The following ARHGAP8 variants were observed in gnomAD, a reference collection of about 807,000 sequenced individuals.
ARHGAP8 encodes rho GTPase-activating protein 8.
Under a neutral mutation model 46.1 loss-of-function variants are expected in ARHGAP8, and 62 were observed. That is an observed-to-expected ratio of 1.34 (90% CI 1.10 to 1.66). The LOEUF is 1.66. Ranked by LOEUF, ARHGAP8 falls within the 40% of genes most tolerant of loss-of-function variation. The pLI, the probability that ARHGAP8 is intolerant of heterozygous loss-of-function variation, is 0.00. For synonymous variants in ARHGAP8, 375 were observed against 243.1 expected, an observed-to-expected ratio of 1.54 and a Z score of -5.05; for missense variants, 923 against 568.4, an observed-to-expected ratio of 1.62 and a Z score of -6.34.
rs574596304 is a variant in ARHGAP8 at position 44,862,321 on chromosome 22, C to A, written c.1028C>A (p.Ala343Asp). The A allele has an allele frequency of 6.2e-7, 1 of 1,613,634 alleles. No individual in the cohort carries two copies. The highest frequency in any genetic ancestry group is 8.5e-7 in the Non-Finnish European group (1 of 1,179,710). Residue 343 changes from alanine (A) to aspartate (D), a missense_variant, in exon 12 of 12, where the codon GCC (alanine) becomes GAC (aspartate). Transcript: ENST00000356099. ...AACAAAATGAACAGCTCTAACCTGG[C>A]CTGTGTCTTCGGGCTGAATTTGATC... ...IFNKMNSSNLACVFGLNLIWP... is the reference protein window; with the variant it reads ...IFNKMNSSNLDCVFGLNLIWP...
chr22:44,819,468 T>G (rs112323977), intron 5 of ARHGAP8, among the ~76,000 whole-genome samples: 1 of 152,142 alleles, frequency 6.6e-6, no homozygotes, highest in South Asian at 2.1e-4. Flanking sequence ...GGTCAGGAGT[T>G]CGAGACCAGC....
chr22:44,774,518 A>ATTT (rs132473), intron 1 of ARHGAP8, among the ~76,000 whole-genome samples: 45 of 119,468 alleles, frequency 3.8e-4, no homozygotes, highest in Non-Finnish European at 5.9e-4. Context: ...TCTTTGGGAG[A>ATTT]TTTTTTTTTT....
chr22:44,862,176 C>G (rs1321617197), intron 11 of ARHGAP8, 99 bp from the exon 12 acceptor site: 3 of 1,428,244 alleles, frequency 2.1e-6, no homozygotes, highest in Non-Finnish European at 2.8e-6. Context: ...CAGTGCTCCT[C>G]TCACTACACC....
intron 1 of ARHGAP8, among the ~76,000 whole-genome samples, chr22:44,772,334 T>C (rs571214074): frequency 3.0e-5 from 4 of 134,924 alleles, no homozygotes; most frequent in African/African-American, 1.1e-4. Flanking sequence ...TTGACTTTTT[T>C]TTTGTATTTT....
intron 7 of ARHGAP8, among the ~76,000 whole-genome samples, chr22:44,831,654 A>T (rs1318754354): frequency 2.6e-5 from 4 of 152,150 alleles, no homozygotes; most frequent in African/African-American, 9.7e-5. Flanking sequence ...AGCCAAGATC[A>T]TGCCATTACA....
chr22:44,778,466 C>T (rs8141472), intron 1 of ARHGAP8, among the ~76,000 whole-genome samples: 55,472 of 151,918 alleles, frequency 0.37, 10,569 homozygotes, highest in South Asian at 0.52. Flanking sequence ...TTTGCGATTG[C>T]GAATTGTGCT....
intron 1 of ARHGAP8, among the ~76,000 whole-genome samples, chr22:44,763,831 CA>C (rs947299107): frequency 1.5e-5 from 2 of 132,096 alleles, no homozygotes; most frequent in Admixed American, 8.1e-5. Flanking sequence ...GACGGAGTCT[CA>C]AAAAAAGTAC....
intron 2 of ARHGAP8, among the ~76,000 whole-genome samples, chr22:44,792,520 G>T (rs13054821): frequency 0.42 from 63,667 of 151,946 alleles, 13,766 homozygotes; most frequent in Middle Eastern, 0.53. Context: ...GGAACCCCCT[G>T]CCCTCCTGCT....
intron 7 of ARHGAP8, among the ~76,000 whole-genome samples, chr22:44,836,308 T>G (rs9614946): frequency 0.19 from 29,006 of 151,824 alleles, 2,875 homozygotes; most frequent in African/African-American, 0.23. Flanking sequence ...CCAACTAATG[T>G]TCCTGCCTCA....
intron 4 of ARHGAP8, among the ~76,000 whole-genome samples, chr22:44,812,271 G>C (rs1410631909): frequency 6.6e-6 from 1 of 151,860 alleles, no homozygotes; most frequent in Admixed American, 6.6e-5. Flanking sequence ...CCTTGCAGCA[G>C]CTGCCCTCTG....
chr22:44,759,723 G>A (rs1251070292), intron 1 of ARHGAP8, among the ~76,000 whole-genome samples: 1 of 152,188 alleles, frequency 6.6e-6, no homozygotes. Context: ...GATGGTCAGG[G>A]AGATTGTCAG....
intron 5 of ARHGAP8, among the ~76,000 whole-genome samples, chr22:44,815,957 A>G (rs1270116032): frequency 6.6e-6 from 1 of 152,122 alleles, no homozygotes; most frequent in Non-Finnish European, 1.5e-5. Context: ...AGGAGGGCGC[A>G]GGTGTGCACC....
intron 7 of ARHGAP8, among the ~76,000 whole-genome samples, chr22:44,843,519 C>T (rs957009332): frequency 2.0e-5 from 3 of 152,032 alleles, no homozygotes; most frequent in African/African-American, 7.2e-5. Flanking sequence ...TGTTAGAGTA[C>T]TGGATAATGT....
intron 7 of ARHGAP8, among the ~76,000 whole-genome samples, chr22:44,835,407 C>T (rs12159282): frequency 6.6e-5 from 10 of 152,018 alleles, no homozygotes; most frequent in Admixed American, 2.0e-4. Flanking sequence ...ATCACGAGAT[C>T]GAGACACTGA....
At chr22:44,842,227 C>G (rs1321252303) in intron 7 of ARHGAP8, among the ~76,000 whole-genome samples, 2 of 152,054 alleles carry the variant, frequency 1.3e-5, no homozygotes, top group Admixed American at 1.3e-4. Context: ...CATGGTGGTG[C>G]GTGCCTGTAG....
chr22:44,784,449 G>A (rs750183268), intron 1 of ARHGAP8, among the ~76,000 whole-genome samples: 2 of 152,136 alleles, frequency 1.3e-5, no homozygotes, highest in Non-Finnish European at 2.9e-5. Flanking sequence ...TCCTTACATA[G>A]CATTTACATT....
At position 44,775,550 on chromosome 22, in the gene ARHGAP8, C is replaced by T. The variant is rs572794138; in HGVS notation, c.-71-10907C>T. ...GCAACCTCTGCCTCCCGGGTTCAAG[C>T]GATTCTCCTGCCTCAGCCTCCCAAG... On this transcript the variant is annotated intron_variant, in intron 1 of 11. Transcript: ENST00000356099. Among the ~76,000 whole-genome samples the T allele has an allele frequency of 1.3e-4, 20 of 152,036 alleles. No individual in the cohort carries two copies. The South Asian group carries it at 2.3e-3, about 17-fold the overall frequency.
chr22:44,860,838 T>G (rs1011673785), intron 11 of ARHGAP8, among the ~76,000 whole-genome samples: 7 of 152,018 alleles, frequency 4.6e-5, no homozygotes, highest in South Asian at 2.1e-4. Flanking sequence ...CCCCTCCATC[T>G]CTCCAGGCCT....
intron 1 of ARHGAP8, among the ~76,000 whole-genome samples, chr22:44,781,584 C>T (rs1034613768): frequency 1.3e-5 from 2 of 151,994 alleles, no homozygotes; most frequent in East Asian, 1.9e-4. Context: ...AGTGCGATGG[C>T]GCGATCTCAG....
Sources: gnomAD v4.1 joint callset for allele counts (sites outside exome capture counted in the v4.1 genomes callset) on GRCh38, gnomAD v4.1.1 for gene constraint, MANE v1.5 for transcripts, NCBI Gene and HGNC (gene_info 2026-07-23, HGNC 2026-07-21) for gene names.